The following ZNF18 variants were observed in gnomAD, a reference collection of about 807,000 sequenced individuals.
ZNF18 encodes heart development-specific gene 1 protein.
A neutral mutation model predicts 58.1 loss-of-function variants in ZNF18; 42 were observed. The observed-to-expected ratio is 0.72, with a 90% CI of 0.56 to 0.93. ZNF18 has a LOEUF of 0.93. Ranked by LOEUF, ZNF18 falls within the 40% of genes least tolerant of loss-of-function variation. The pLI, the probability that ZNF18 is intolerant of heterozygous loss-of-function variation, is 0.00. For synonymous variants in ZNF18, 231 were observed against 239.8 expected (o/e 0.96, Z 0.34); for missense variants, 540 against 644.2 (o/e 0.84, Z 1.75).
the ZNF18 span, among the ~76,000 whole-genome samples, chr17:12,016,541 C>T: frequency 5.1e-3 from 775 of 151,894 alleles, 3 homozygotes; most frequent in Non-Finnish European, 7.3e-3. Flanking sequence ...TGTTGCCCAC[C>T]TTGGTTTTGA....
At chr17:12,013,676 AT>A in the ZNF18 span, among the ~76,000 whole-genome samples, 2 of 152,092 alleles carry the variant, frequency 1.3e-5, no homozygotes, top group Admixed American at 6.5e-5. Flanking sequence ...GCTCATTAAC[AT>A]TTTTTTGTTG....
chr17:12,020,068 TG>T, the ZNF18 span, among the ~76,000 whole-genome samples: 1 of 152,218 alleles, frequency 6.6e-6, no homozygotes, highest in Non-Finnish European at 1.5e-5. Flanking sequence ...TATTGTTTTT[TG>T]GGGTTGTCAT....
chr17:12,019,314 G>C, the ZNF18 span, among the ~76,000 whole-genome samples: 1 of 150,738 alleles, frequency 6.6e-6, no homozygotes, highest in Admixed American at 6.6e-5. Flanking sequence ...GTGTGTGTGT[G>C]TGTGTGTGTG....
chr17:11,992,808 C>A lies in ZNF18; in HGVS notation c.22G>T (p.Ala8Ser), dbSNP rs1463075317. 6.2e-7 allele frequency: 1 copy of A among 1,612,946 alleles called. No homozygotes were observed. The highest frequency in any genetic ancestry group is 1.3e-5 in the African/African-American group (1 of 74,876). ...GCCAGCGATGGCAGCAGGCCTAGGGCCTGCCCCAAGTCAACGGGCATTGTC... is the reference window on the plus strand; with the variant it reads ...GCCAGCGATGGCAGCAGGCCTAGGGACTGCCCCAAGTCAACGGGCATTGTC... MPVDLGQ[A>S]LGLLPSLAKA... The change falls in exon 2 of 7, where the codon GCC becomes TCC. Residue 8 changes from alanine to serine, a missense_variant. Physicochemically the swap from Ala to Ser is moderately conservative, Grantham distance 99. Coordinates refer to ENST00000580306, the MANE Select transcript of ZNF18 (RefSeq NM_001303281.2).
chr17:12,000,946 A>C (rs551020734), upstream of ZNF18, among the ~76,000 whole-genome samples: 11 of 152,350 alleles, frequency 7.2e-5, no homozygotes, highest in South Asian at 2.3e-3. Context: ...AAGTTTTGCT[A>C]TAAAAAGAAA....
chr17:12,017,512 G>A, the ZNF18 span, among the ~76,000 whole-genome samples: 1 of 152,150 alleles, frequency 6.6e-6, no homozygotes, highest in East Asian at 1.9e-4. Context: ...TTTCCCAGAG[G>A]CTGAAATTGG....
At chr17:11,994,710 G>A (rs931053480) in intron 1 of ZNF18, among the ~76,000 whole-genome samples, 6 of 151,972 alleles carry the variant, frequency 3.9e-5, no homozygotes, top group African/African-American at 1.5e-4. Context: ...GCGTGGTGGC[G>A]GGCGCCTGTG....
In ZNF18 at chr17:11,984,101, C is replaced by A; in HGVS notation, c.751+12G>T. The A allele has an allele frequency of 6.2e-7, 1 of 1,610,004 alleles. No individual in the cohort carries two copies. On this transcript the variant is annotated intron_variant, in intron 5 of 6. Transcript: ENST00000580306. ...TTCTACCTCCTTCCATCAGACTAAC[C>A]CACACCCTCACCTCCTGAGACCATT...
At chr17:11,990,651 C>A in intron 3 of ZNF18, 101 bp from the exon 4 acceptor site, 1 of 904,344 alleles carries the variant, frequency 1.1e-6, no homozygotes, top group Non-Finnish European at 1.7e-6. Flanking sequence ...AATACCTGAA[C>A]AATACCTGTA....
chr17:12,021,148 C>T, the ZNF18 span: 1 of 434,192 alleles, frequency 2.3e-6, no homozygotes, highest in African/African-American at 2.1e-5. Context: ...GGCTTCCCGC[C>T]CCGCTCCCGG....
At chr17:11,995,150 T>C (rs1381399571) in intron 1 of ZNF18, among the ~76,000 whole-genome samples, 1 of 152,192 alleles carries the variant, frequency 6.6e-6, no homozygotes, top group Non-Finnish European at 1.5e-5. Context: ...GGCTCACGCC[T>C]GTAATCCTAG....
At chr17:12,019,655 C>T in the ZNF18 span, among the ~76,000 whole-genome samples, 1,168 of 152,200 alleles carry the variant, frequency 7.7e-3, 20 homozygotes, top group African/African-American at 0.027. Context: ...TTACGGCTAG[C>T]CACTTTTAGG....
chr17:12,004,903 A>AG, the ZNF18 span, among the ~76,000 whole-genome samples: 1 of 151,060 alleles, frequency 6.6e-6, no homozygotes, highest in African/African-American at 2.4e-5. Flanking sequence ...AAAAAAAAAA[A>AG]AAAGAAAAGA....
At chr17:11,984,282 G>A in intron 4 of ZNF18, 85 bp from the exon 5 acceptor site, 2 of 1,338,220 alleles carry the variant, frequency 1.5e-6, no homozygotes, top group East Asian at 2.5e-5. Context: ...AAGGAAAGCT[G>A]AGAAGACAGA....
intron 4 of ZNF18, among the ~76,000 whole-genome samples, chr17:11,985,359 T>C (rs1018152543): frequency 2.0e-5 from 3 of 152,190 alleles, no homozygotes; most frequent in African/African-American, 7.2e-5. Flanking sequence ...TACTGAGTTT[T>C]AAGTCCCAAC....
At chr17:11,983,496 G>T in intron 5 of ZNF18, 89 bp from the exon 6 acceptor site, 1 of 987,560 alleles carries the variant, frequency 1.0e-6, no homozygotes, top group Non-Finnish European at 1.6e-6. Context: ...CCCTACGCAT[G>T]AGGGAAAATA....
At chr17:12,006,679 A>G in the ZNF18 span, among the ~76,000 whole-genome samples, 1 of 152,132 alleles carries the variant, frequency 6.6e-6, no homozygotes, top group Non-Finnish European at 1.5e-5. Flanking sequence ...TAAGCCTTGG[A>G]GGTTGAGGTT....
rs1567605657 is a variant in ZNF18 at position 11,990,564 on chromosome 17, AG to A, written c.578-15del. Reference sequence around the variant, plus strand: ...AGGCAGCCAGGGCTGAAGTGAGGAGAGGAAGTTTTCAGAATCTGGATGTCTT... The same window carrying A: ...AGGCAGCCAGGGCTGAAGTGAGGAGAGAAGTTTTCAGAATCTGGATGTCTT... On this transcript the variant is annotated splice_polypyrimidine_tract_variant and intron_variant, in intron 3 of 6. Transcript: ENST00000580306. 1 of 1,602,398 alleles carries A rather than the reference AG, an allele frequency of 6.2e-7. No individual in the cohort carries two copies. Among genetic ancestry groups the A allele is most frequent in the Non-Finnish European group, 8.5e-7 (1 of 1,175,404 alleles).
upstream of ZNF18, among the ~76,000 whole-genome samples, chr17:12,000,617 A>G (rs1181636026): frequency 3.3e-5 from 5 of 152,220 alleles, no homozygotes; most frequent in East Asian, 9.6e-4. Context: ...AAGAAAAGGT[A>G]TAAACCCATA....
Sources: gnomAD v4.1 joint callset for allele counts (sites outside exome capture counted in the v4.1 genomes callset) on GRCh38, gnomAD v4.1.1 for gene constraint, MANE v1.5 for transcripts, NCBI Gene and HGNC (gene_info 2026-07-23, HGNC 2026-07-21) for gene names.